CACNA1E: variants seen among roughly 807,000 people sequenced by gnomAD.
CACNA1E encodes voltage-dependent R-type calcium channel subunit alpha-1E.
Under a neutral mutation model 259.2 loss-of-function variants are expected in CACNA1E, and 40 were observed. The observed-to-expected ratio is 0.15, with a 90% CI of 0.12 to 0.20. CACNA1E has a LOEUF of 0.20. CACNA1E is among the 10% of genes least tolerant of loss of function. The probability of loss-of-function intolerance (pLI) is 1.00; values close to 1 mark genes in which losing one functional copy is unlikely to be tolerated. For synonymous variants in CACNA1E, 1,104 were observed against 1,138.5 expected, an observed-to-expected ratio of 0.97 and a Z score of 0.61; for missense variants, 1,874 against 3,040.1, an observed-to-expected ratio of 0.62 and a Z score of 9.02.
chr1:181,798,698 C>A lies in CACNA1E; in HGVS notation c.6806C>A (p.Ala2269Asp). 3 of 1,609,128 alleles carry A rather than the reference C, an allele frequency of 1.9e-6. No individual in the cohort carries two copies. The highest frequency in any genetic ancestry group is 2.5e-6 in the Non-Finnish European group (3 of 1,177,004). The change falls in exon 48 of 48, where the codon GCC becomes GAC. Residue 2269 changes from alanine to aspartate, a missense_variant. Transcript: ENST00000367573. The surrounding 1 kb of genome is among the most constrained non-coding windows in gnomAD (Gnocchi z 4.2). Reference sequence around the variant, plus strand: ...GGCCGTTCCAACACCATCGGCTCAGCCCCACCCCTGCGGCATAGCTGGCAG... The same window carrying A: ...GGCCGTTCCAACACCATCGGCTCAGACCCACCCCTGCGGCATAGCTGGCAG... ...SLGRSNTIGS[A>D]PPLRHSWQMP...
chr1:181,323,890 T>G (rs546847614), intron 1 of CACNA1E, among the ~76,000 whole-genome samples: 1 of 152,346 alleles, frequency 6.6e-6, no homozygotes, highest in East Asian at 1.9e-4. Context: ...CTGAGAGTCC[T>G]AGGTTCATCC....
chr1:181,613,095 A>G (rs1654894247), intron 6 of CACNA1E, among the ~76,000 whole-genome samples: 1 of 152,148 alleles, frequency 6.6e-6, no homozygotes, highest in African/African-American at 2.4e-5. Context: ...ATTCCATTGT[A>G]TCTCTTTGTA....
chr1:181,728,468 G>A (rs1240915316), intron 18 of CACNA1E, among the ~76,000 whole-genome samples: 1 of 152,250 alleles, frequency 6.6e-6, no homozygotes, highest in Non-Finnish European at 1.5e-5. Context: ...GTGCTGTGAG[G>A]TTGGCGTTGC....
At chr1:181,697,835 C>T (rs893192601) in intron 7 of CACNA1E, among the ~76,000 whole-genome samples, 27 of 152,220 alleles carry the variant, frequency 1.8e-4, no homozygotes, top group African/African-American at 6.3e-4. Context: ...CACACTTTGA[C>T]CGATACTTCA....
intron 7 of CACNA1E, among the ~76,000 whole-genome samples, chr1:181,682,984 A>G (rs1650133554): frequency 6.6e-6 from 1 of 152,180 alleles, no homozygotes; most frequent in African/African-American, 2.4e-5. Flanking sequence ...ATTGATCTCT[A>G]CTTGTCCTTT....
At chr1:181,784,253 A>G (rs1020654576) in intron 40 of CACNA1E, among the ~76,000 whole-genome samples, 18 of 152,144 alleles carry the variant, frequency 1.2e-4, no homozygotes, top group Admixed American at 5.2e-4. Context: ...CTTTTGTGCA[A>G]TCTAAATCCT....
chr1:181,783,972 G>C (rs991830498), intron 40 of CACNA1E, among the ~76,000 whole-genome samples, 188 bp downstream of exon 40: 2 of 152,184 alleles, frequency 1.3e-5, no homozygotes, highest in African/African-American at 4.8e-5. Flanking sequence ...TGAATGGTTT[G>C]ATAATCTCTA....
chr1:181,519,600 A>G (rs1401005265), intron 3 of CACNA1E, among the ~76,000 whole-genome samples: 1 of 152,166 alleles, frequency 6.6e-6, no homozygotes, highest in Non-Finnish European at 1.5e-5. Context: ...TTCACAGAAG[A>G]GAAGACTAAA....
At chr1:181,624,170 C>A (rs1012181245) in intron 6 of CACNA1E, among the ~76,000 whole-genome samples, 1 of 152,082 alleles carries the variant, frequency 6.6e-6, no homozygotes, top group Non-Finnish European at 1.5e-5. Context: ...AACTCGTCAT[C>A]ATTAGGATGG....
intron 35 of CACNA1E, 28 bp from the exon 36 acceptor site, chr1:181,771,265 A>G (rs1255095299): frequency 7.8e-7 from 1 of 1,285,088 alleles, no homozygotes. Flanking sequence ...GGTAATGCTC[A>G]CTGTTTTCTG....
intron 7 of CACNA1E, among the ~76,000 whole-genome samples, chr1:181,698,749 A>T (rs1368793315): frequency 6.6e-6 from 1 of 152,130 alleles, no homozygotes; most frequent in Non-Finnish European, 1.5e-5. Context: ...TCTCTAATAG[A>T]TAAGGATATT....
intron 43 of CACNA1E, among the ~76,000 whole-genome samples, chr1:181,786,059 A>C: frequency 6.6e-6 from 1 of 152,340 alleles, no homozygotes; most frequent in African/African-American, 2.4e-5. Context: ...CAATAGAAGA[A>C]GGGAGTTTGA....
intron 2 of CACNA1E, among the ~76,000 whole-genome samples, chr1:181,455,816 G>A (rs1327286842): frequency 6.6e-6 from 1 of 152,136 alleles, no homozygotes; most frequent in African/African-American, 2.4e-5. Context: ...TACACCCTAG[G>A]CCATGCCCTT....
intron 2 of CACNA1E, among the ~76,000 whole-genome samples, chr1:181,476,043 G>A (rs930054288): frequency 6.6e-6 from 1 of 152,142 alleles, no homozygotes; most frequent in Admixed American, 6.5e-5. Flanking sequence ...GTGAGAAACT[G>A]GGAGATGTGG....
intron 3 of CACNA1E, among the ~76,000 whole-genome samples, chr1:181,567,259 C>T (rs879398381): frequency 6.6e-6 from 1 of 152,182 alleles, no homozygotes; most frequent in Admixed American, 6.5e-5. Context: ...TTTATTCCCT[C>T]CTAGAAATGG....
At chr1:181,602,937 G>A (rs1268962997) in intron 6 of CACNA1E, among the ~76,000 whole-genome samples, 1 of 152,138 alleles carries the variant, frequency 6.6e-6, no homozygotes, top group Non-Finnish European at 1.5e-5. Context: ...CTTGCTGGGG[G>A]ATAGGTGGGG....
intron 2 of CACNA1E, among the ~76,000 whole-genome samples, chr1:181,439,538 A>G (rs1216389425): frequency 2.6e-5 from 4 of 152,026 alleles, no homozygotes; most frequent in Non-Finnish European, 2.9e-5. Context: ...CAGGGCTGCA[A>G]CTCAGTCATC....
intron 3 of CACNA1E, among the ~76,000 whole-genome samples, chr1:181,570,164 CTT>C (rs56413214): frequency 1.4e-5 from 2 of 146,642 alleles, no homozygotes; most frequent in African/African-American, 2.5e-5. Flanking sequence ...CTGTAGTAGA[CTT>C]TTTTTTTTTT....
intron 7 of CACNA1E, among the ~76,000 whole-genome samples, chr1:181,697,470 C>T (rs1651823942): frequency 6.6e-6 from 1 of 152,188 alleles, no homozygotes; most frequent in African/African-American, 2.4e-5. Flanking sequence ...ACATCATAAA[C>T]ACAAAATAAG....
Sources: gnomAD v4.1 joint callset for allele counts (sites outside exome capture counted in the v4.1 genomes callset) on GRCh38, gnomAD v4.1.1 for gene constraint, Gnocchi (gnomAD v3.1) non-coding constraint, MANE v1.5 for transcripts, NCBI Gene and HGNC (gene_info 2026-07-23, HGNC 2026-07-21) for gene names.